AGBL1: variants seen among roughly 807,000 people sequenced by gnomAD.
AGBL1 encodes the protein AGBL carboxypeptidase 1.
A neutral mutation model predicts 118.9 loss-of-function variants in AGBL1; 130 were observed. The observed-to-expected ratio is 1.09, with a 90% confidence interval of 0.95 to 1.26. The LOEUF (loss-of-function observed/expected upper bound fraction) is 1.26, where lower values mean the gene tolerates loss of function less well. Among genes scored for constraint, AGBL1 ranks in the 50% most tolerant of loss-of-function variants. AGBL1 has a pLI of 0.00. For missense variants in AGBL1, 1,584 were observed against 1,298.1 expected (o/e 1.22, Z -3.38); for synonymous variants, 555 against 478.9 (o/e 1.16, Z -2.08).
intron 17 of AGBL1, among the ~76,000 whole-genome samples, chr15:86,324,891 C>G (rs928299466): frequency 6.6e-6 from 1 of 152,086 alleles, no homozygotes; most frequent in East Asian, 1.9e-4. Context: ...CCCTAGCTCA[C>G]TAGCATGTGA....
chr15:86,965,418 C>G (rs531621257), intron 23 of AGBL1, among the ~76,000 whole-genome samples: 1 of 151,948 alleles, frequency 6.6e-6, no homozygotes, highest in Admixed American at 6.6e-5. Flanking sequence ...GTTTGTTGGC[C>G]GCATAAATGT....
At chr15:86,334,722 G>T (rs571818445) in intron 17 of AGBL1, among the ~76,000 whole-genome samples, 4 of 151,916 alleles carry the variant, frequency 2.6e-5, no homozygotes, top group Admixed American at 6.6e-5. Flanking sequence ...TAAGCAGAAA[G>T]AACAAACCTG....
At chr15:86,565,153 G>C (rs2083893740) in intron 21 of AGBL1, among the ~76,000 whole-genome samples, 1 of 152,238 alleles carries the variant, frequency 6.6e-6, no homozygotes, top group South Asian at 2.1e-4. Context: ...TCTCTGTCCA[G>C]CTTTGTTCCA....
intron 18 of AGBL1, among the ~76,000 whole-genome samples, chr15:86,507,161 T>C (rs1345828234): frequency 6.6e-6 from 1 of 152,064 alleles, no homozygotes; most frequent in Admixed American, 6.6e-5. Flanking sequence ...TTAGTGGAAA[T>C]AAATTAAAGT....
chr15:86,712,136 T>C (rs1011074783), intron 22 of AGBL1, among the ~76,000 whole-genome samples: 2 of 152,206 alleles, frequency 1.3e-5, no homozygotes, highest in Non-Finnish European at 2.9e-5. Context: ...AAGCTACTAA[T>C]ACATTTTAGT....
chr15:86,079,651 G>T, upstream of AGBL1: 1 of 229,988 alleles, frequency 4.3e-6, no homozygotes, highest in Non-Finnish European at 8.5e-6. Context: ...ATCCAGGGTG[G>T]CTTCTCCTTT....
intron 17 of AGBL1, among the ~76,000 whole-genome samples, chr15:86,343,821 C>T (rs889284661): frequency 3.3e-5 from 5 of 152,090 alleles, no homozygotes; most frequent in African/African-American, 1.2e-4. Flanking sequence ...CTGCTGTTGC[C>T]GCTGCTCGCA....
chr15:86,398,811 A>G (rs2081404037), intron 18 of AGBL1, among the ~76,000 whole-genome samples: 1 of 152,158 alleles, frequency 6.6e-6, no homozygotes, highest in Non-Finnish European at 1.5e-5. Context: ...CAAAAAGATG[A>G]AAAGCATAAA....
chr15:86,469,530 C>G (rs1038041717), intron 18 of AGBL1, among the ~76,000 whole-genome samples: 1 of 151,994 alleles, frequency 6.6e-6, no homozygotes, highest in African/African-American at 2.4e-5. Flanking sequence ...GTGAGTAGTG[C>G]TGTACTGAAT....
intron 22 of AGBL1, among the ~76,000 whole-genome samples, chr15:86,867,205 A>G (rs1035541999): frequency 6.6e-6 from 1 of 152,162 alleles, no homozygotes; most frequent in Non-Finnish European, 1.5e-5. Flanking sequence ...TGGTAGGTAC[A>G]ATTATAGAAC....
chr15:86,961,682 T>G (rs967741236), intron 23 of AGBL1, among the ~76,000 whole-genome samples: 49 of 152,160 alleles, frequency 3.2e-4, no homozygotes, highest in African/African-American at 1.2e-3. Flanking sequence ...CCTCTGTATC[T>G]CCCATGTTCT....
intron 23 of AGBL1, among the ~76,000 whole-genome samples, chr15:86,948,023 A>C (rs1053281904): frequency 1.3e-5 from 2 of 152,208 alleles, no homozygotes; most frequent in Non-Finnish European, 2.9e-5. Context: ...TCTACCTCAA[A>C]AGATGAAAGA....
At chr15:86,881,922 C>T (rs540329709) in intron 22 of AGBL1, among the ~76,000 whole-genome samples, 1 of 152,264 alleles carries the variant, frequency 6.6e-6, no homozygotes, top group East Asian at 1.9e-4. Context: ...TGGTGGTAAA[C>T]CATGAGAAAC....
chr15:86,230,532 C>T (rs779271815), intron 6 of AGBL1, among the ~76,000 whole-genome samples: 4 of 152,158 alleles, frequency 2.6e-5, no homozygotes, highest in Non-Finnish European at 5.9e-5. Flanking sequence ...TGTGGTCTGC[C>T]CTCCTGGCTC....
intron 17 of AGBL1, among the ~76,000 whole-genome samples, chr15:86,346,343 C>CT (rs2080536636): frequency 1.3e-5 from 2 of 150,946 alleles, no homozygotes; most frequent in South Asian, 2.1e-4. Context: ...TCTTTCTTTT[C>CT]TTTTCTTTTT....
At chr15:86,395,427 C>A (rs1049916353) in intron 17 of AGBL1, among the ~76,000 whole-genome samples, 1 of 152,128 alleles carries the variant, frequency 6.6e-6, no homozygotes, top group African/African-American at 2.4e-5. Context: ...CCTTACCTCT[C>A]TCAGTCATAT....
intron 18 of AGBL1, among the ~76,000 whole-genome samples, chr15:86,504,840 G>T (rs142748403): frequency 6.6e-6 from 1 of 151,514 alleles, no homozygotes; most frequent in African/African-American, 2.4e-5. Flanking sequence ...TTATATTTAC[G>T]TATGTATTAA....
intron 22 of AGBL1, among the ~76,000 whole-genome samples, chr15:86,713,945 A>G (rs1476168599): frequency 6.6e-6 from 1 of 152,356 alleles, no homozygotes; most frequent in East Asian, 1.9e-4. Flanking sequence ...GCCATGCATG[A>G]TGGGTGTCTA....
intron 17 of AGBL1, among the ~76,000 whole-genome samples, chr15:86,368,205 T>C (rs1364098336): frequency 1.3e-5 from 2 of 151,978 alleles, no homozygotes; most frequent in African/African-American, 4.8e-5. Flanking sequence ...CTCCCTAATA[T>C]TTCTGGACTG....
Sources: gnomAD v4.1 joint callset for allele counts (sites outside exome capture counted in the v4.1 genomes callset) on GRCh38, gnomAD v4.1.1 for gene constraint, MANE v1.5 for transcripts, NCBI Gene and HGNC (gene_info 2026-07-23, HGNC 2026-07-21) for gene names.